NRCAM: variants seen among roughly 807,000 people sequenced by gnomAD.
NRCAM encodes neuronal cell adhesion molecule.
A neutral mutation model predicts 156.5 loss-of-function variants in NRCAM; 83 were observed. The ratio of observed to expected loss-of-function variants is 0.53; its 90% CI spans 0.44 to 0.64. The LOEUF (loss-of-function observed/expected upper bound fraction) is 0.64. NRCAM is among the 30% of genes least tolerant of loss of function. NRCAM has a pLI of 0.00. For synonymous variants in NRCAM, 538 were observed against 563.9 expected (o/e 0.95, Z 0.65); for missense variants, 1,417 against 1,597.3 (o/e 0.89, Z 1.92).
intron 2 of NRCAM, among the ~76,000 whole-genome samples, chr7:108,342,883 C>T (rs934705511): frequency 2.0e-5 from 3 of 152,156 alleles, no homozygotes; most frequent in Non-Finnish European, 4.4e-5. Flanking sequence ...GTCAGACAAC[C>T]GTTTACTTAA....
At chr7:108,453,179 C>T (rs1339069654) in intron 1 of NRCAM, among the ~76,000 whole-genome samples, 1 of 152,174 alleles carries the variant, frequency 6.6e-6, no homozygotes, top group Non-Finnish European at 1.5e-5. Context: ...TGAATGAAAT[C>T]TTTTTAACGG....
At chr7:108,451,344 C>T (rs1171171007) in intron 1 of NRCAM, among the ~76,000 whole-genome samples, 4 of 152,036 alleles carry the variant, frequency 2.6e-5, no homozygotes, top group South Asian at 4.1e-4. Flanking sequence ...AAACTGGAAC[C>T]CCTGCGCATT....
At chr7:108,193,260 AAG>A (rs2073148364) in intron 17 of NRCAM, among the ~76,000 whole-genome samples, 2 of 152,208 alleles carry the variant, frequency 1.3e-5, no homozygotes, top group Admixed American at 1.3e-4. Context: ...AGGCACATAA[AAG>A]AGAAGGCCAC....
chr7:108,152,198 G>T (rs1246199785), intron 32 of NRCAM, among the ~76,000 whole-genome samples: 1 of 152,156 alleles, frequency 6.6e-6, no homozygotes, highest in Non-Finnish European at 1.5e-5. Flanking sequence ...ACTGCAGAAG[G>T]TGTTGGAGAA....
intron 1 of NRCAM, among the ~76,000 whole-genome samples, chr7:108,415,710 G>T (rs1800691344): frequency 6.6e-6 from 1 of 152,064 alleles, no homozygotes; most frequent in Non-Finnish European, 1.5e-5. Context: ...GCAAAACCCT[G>T]CCTCTACTAA....
At chr7:108,436,908 C>T (rs1832884464) in intron 1 of NRCAM, among the ~76,000 whole-genome samples, 2 of 152,216 alleles carry the variant, frequency 1.3e-5, no homozygotes, top group Admixed American at 6.5e-5. Context: ...ACCAATCCCA[C>T]TGCTGGGTAT....
At chr7:108,455,382 A>AT (rs1855768557) in intron 1 of NRCAM, among the ~76,000 whole-genome samples, 1 of 152,134 alleles carries the variant, frequency 6.6e-6, no homozygotes, top group South Asian at 2.1e-4. Context: ...TCCTGGCTCA[A>AT]CACAGCATCC....
intron 8 of NRCAM, among the ~76,000 whole-genome samples, chr7:108,230,655 C>G (rs1349142496): frequency 1.3e-5 from 2 of 152,148 alleles, no homozygotes; most frequent in African/African-American, 4.8e-5. Flanking sequence ...CACTAGTTTT[C>G]CCTTTCTACT....
intron 15 of NRCAM, 82 bp downstream of exon 15, chr7:108,195,679 T>G (rs1251264668): frequency 2.6e-6 from 2 of 779,050 alleles, no homozygotes; most frequent in African/African-American, 3.5e-5. Context: ...GTTTGTTTTT[T>G]GAATAAAACC....
chr7:108,171,869 T>G (rs1277592908), intron 28 of NRCAM, among the ~76,000 whole-genome samples: 1 of 152,168 alleles, frequency 6.6e-6, no homozygotes, highest in Non-Finnish European at 1.5e-5. Context: ...GATGTCTTGT[T>G]TTGTTTTCGT....
At chr7:108,393,883 G>A (rs1156457829) in intron 2 of NRCAM, among the ~76,000 whole-genome samples, 3 of 152,200 alleles carry the variant, frequency 2.0e-5, no homozygotes, top group Non-Finnish European at 2.9e-5. Flanking sequence ...TATGGTGATT[G>A]CTGCAGTTCA....
Position 108,303,256 on chromosome 7 carries a change from C to G in NRCAM, c.-107+9409G>C, listed in dbSNP as rs182863661. On this transcript the variant is annotated intron_variant, in intron 3 of 32. Coordinates refer to ENST00000379028, the MANE Select transcript of NRCAM (RefSeq NM_001037132.4). ...GGATTACAGGCATGAGCCACTGTGG[C>G]TGGCTGTTCAGGTACATTTTCTACT... Among the ~76,000 whole-genome samples, 132 of 152,328 alleles carry G rather than the reference C, an allele frequency of 8.7e-4. 1 individual carries two copies. The highest frequency in any genetic ancestry group is 2.9e-3 in the African/African-American group (121 of 41,566).
At chr7:108,373,561 G>T (rs1043721291) in intron 2 of NRCAM, among the ~76,000 whole-genome samples, 3 of 152,160 alleles carry the variant, frequency 2.0e-5, no homozygotes, top group Non-Finnish European at 2.9e-5. Flanking sequence ...AAGCACAGGG[G>T]ACAATAAGGT....
At chr7:108,277,870 T>G (rs959096683) in intron 3 of NRCAM, among the ~76,000 whole-genome samples, 3 of 152,208 alleles carry the variant, frequency 2.0e-5, no homozygotes, top group Admixed American at 1.3e-4. Context: ...CTCATCTTTG[T>G]GGTTTTATCT....
rs538024497 is a variant in NRCAM at position 108,378,919 on chromosome 7, G to C, written c.-174+20517C>G. On this transcript the variant is annotated intron_variant, in intron 2 of 32. Coordinates refer to ENST00000379028, the MANE Select transcript of NRCAM (RefSeq NM_001037132.4). The stretch of plus-strand genomic sequence containing the variant: ...AACAGGAAAGCCAGACTCTCCTTAG[G>C]GGTAAATGCGGCTAACAACCTGAGG... Among the ~76,000 whole-genome samples, 4 of 152,234 alleles carry C rather than the reference G, an allele frequency of 2.6e-5. No individual in the cohort carries two copies. The South Asian group carries it at 8.3e-4, about 32-fold the overall frequency.
intron 3 of NRCAM, among the ~76,000 whole-genome samples, chr7:108,311,553 A>AAAAG (rs1277702383): frequency 1.2e-4 from 19 of 152,294 alleles, no homozygotes; most frequent in African/African-American, 4.3e-4. Context: ...TTCACTTTTC[A>AAAAG]GGGACTGTTC....
chr7:108,361,414 A>G (rs764587465), intron 2 of NRCAM, among the ~76,000 whole-genome samples: 3 of 152,242 alleles, frequency 2.0e-5, no homozygotes, highest in Non-Finnish European at 4.4e-5. Context: ...TAGTCTGAGT[A>G]AAGCCGATCG....
At chr7:108,430,737 T>C (rs550505317) in intron 1 of NRCAM, among the ~76,000 whole-genome samples, 3 of 152,300 alleles carry the variant, frequency 2.0e-5, no homozygotes, top group Admixed American at 1.3e-4. Flanking sequence ...AGATGCCCTT[T>C]TACCTCCTTT....
Position 108,443,544 on chromosome 7 carries a change from C to T in NRCAM, c.-332+12699G>A, listed in dbSNP as rs146008845. Among the ~76,000 whole-genome samples the T allele has an allele frequency of 2.5e-4, 38 of 152,290 alleles. No individual in the cohort carries two copies. In the East Asian group the frequency reaches 7.3e-3, roughly 29 times the overall value. Reference sequence around the variant, plus strand: ...AGCTCATTCAAGGCTTTGCTTTCCTCAGCTTGAGTAAACATCAGCAACTGT... The same window carrying T: ...AGCTCATTCAAGGCTTTGCTTTCCTTAGCTTGAGTAAACATCAGCAACTGT... On this transcript the variant is annotated intron_variant, in intron 1 of 32. Coordinates refer to ENST00000379028, the MANE Select transcript of NRCAM (RefSeq NM_001037132.4).
Sources: gnomAD v4.1 joint callset for allele counts (sites outside exome capture counted in the v4.1 genomes callset) on GRCh38, gnomAD v4.1.1 for gene constraint, MANE v1.5 for transcripts, NCBI Gene and HGNC (gene_info 2026-07-23, HGNC 2026-07-21) for gene names.